TBXT: variants seen among roughly 807,000 people sequenced by gnomAD.
TBXT encodes the protein T-box transcription factor T.
Under a neutral mutation model 41.1 loss-of-function variants are expected in TBXT, and 19 were observed. The ratio of observed to expected loss-of-function variants is 0.46; its 90% CI spans 0.32 to 0.68. TBXT has a LOEUF of 0.68. Among genes scored for constraint, TBXT ranks in the 30% least tolerant of loss-of-function variants. The pLI is 0.03. For synonymous variants in TBXT, 213 were observed against 238.9 expected, an observed-to-expected ratio of 0.89 and a Z score of 1.00; for missense variants, 536 against 582.0, an observed-to-expected ratio of 0.92 and a Z score of 0.81.
chr6:166,158,480 C>G lies in TBXT; in HGVS notation c.1146G>C (p.Ala382=), dbSNP rs776170985. The G allele has an allele frequency of 6.2e-7, 1 of 1,612,434 alleles. No homozygotes were observed. Among genetic ancestry groups the G allele is most frequent in the Admixed American group, 1.7e-5 (1 of 59,978 alleles). Residue 382 remains alanine (A), a synonymous_variant, in exon 8 of 8, where the codon GCG becomes GCC. Coordinates refer to ENST00000366876, the MANE Select transcript of TBXT (RefSeq NM_001366285.2). ...LGAQFFRGSP[A]HYTPLTHPVS... ...CCGGATGGGTGAGGGGTGTGTAGTG[C>G]GCGGGGGAGCCCCGGAAGAACTGGG...
intron 5 of TBXT, among the ~76,000 whole-genome samples, chr6:166,163,880 G>A (rs1004601001): frequency 1.8e-4 from 27 of 152,238 alleles, no homozygotes; most frequent in African/African-American, 6.3e-4. Context: ...TGCCTTTCTG[G>A]TTGTTCAATC....
chr6:166,161,739 G>A (rs950990085), intron 6 of TBXT, among the ~76,000 whole-genome samples: 10 of 152,176 alleles, frequency 6.6e-5, no homozygotes, highest in African/African-American at 9.7e-5. Flanking sequence ...TGGCTAACAC[G>A]GTGAAACCCC....
chr6:166,167,402 C>A lies in TBXT; in HGVS notation c.190G>T (p.Val64Leu), dbSNP rs780139385. ...CGCACCCACCTGCCGTTCTTGGTCA[C>A]GATCATCTCATTGGTGAGCTCCTTG... ...RFKELTNEMIVTKNGRRMFPV... is the reference protein window; with the variant it reads ...RFKELTNEMILTKNGRRMFPV... The change falls in exon 1 of 8, where the codon GTG becomes TTG. Residue 64 changes from valine to leucine, a missense_variant. By Grantham distance (32) the Val-to-Leu change is conservative (BLOSUM62 1). Coordinates refer to ENST00000366876, the MANE Select transcript of TBXT (RefSeq NM_001366285.2). 1.2e-6 allele frequency: 2 copies of A among 1,613,116 alleles called. No homozygotes were observed. Among genetic ancestry groups the A allele is most frequent in the South Asian group, 2.2e-5 (2 of 91,084 alleles).
At chr6:166,164,121 A>G (rs951841622) in intron 5 of TBXT, among the ~76,000 whole-genome samples, 4 of 152,226 alleles carry the variant, frequency 2.6e-5, no homozygotes, top group African/African-American at 9.7e-5. Flanking sequence ...TGAAAGTCCT[A>G]GAGGGAGCTA....
chr6:166,165,502 C>T (rs1779081648), intron 3 of TBXT, among the ~76,000 whole-genome samples: 1 of 152,184 alleles, frequency 6.6e-6, no homozygotes, highest in Non-Finnish European at 1.5e-5. Flanking sequence ...ATGGAGAATT[C>T]AAGGGGAAAA....
At chr6:166,167,026 G>A (rs1373440837) in intron 1 of TBXT, among the ~76,000 whole-genome samples, 170 bp from the exon 2 acceptor site, 1 of 152,236 alleles carries the variant, frequency 6.6e-6, no homozygotes, top group Non-Finnish European at 1.5e-5. Context: ...AGGTCCAGGT[G>A]GCCTCCTCAC....
Position 166,166,690 on chromosome 6 carries a change from T to C in TBXT, c.373A>G (p.Ile125Val). The stretch of plus-strand genomic sequence containing the variant: ...CCGAAGTTGGGCGAGTCGGGGTGGA[T>C]GTAGACGCAGCTGGGCGCCTGCGGC... ...PEPQAPSCVY[I>V]HPDSPNFGAH... is the part of the protein sequence containing the mutation. The change falls in exon 2 of 8, where the codon ATC (isoleucine) becomes GTC (valine). Residue 125 changes from isoleucine to valine, a missense_variant. Ile to Val is a conservative substitution (Grantham distance 29). Coordinates refer to ENST00000366876, the MANE Select transcript of TBXT (RefSeq NM_001366285.2). The C allele has an allele frequency of 6.2e-7, 1 of 1,614,004 alleles. No individual in the cohort carries two copies.
intron 5 of TBXT, among the ~76,000 whole-genome samples, chr6:166,163,930 C>A (rs1779034280): frequency 6.6e-6 from 1 of 152,222 alleles, no homozygotes. Flanking sequence ...ATAGAAAATG[C>A]CTGTGTAAGG....
chr6:166,161,461 G>A (rs1258921921), intron 6 of TBXT, among the ~76,000 whole-genome samples: 1 of 152,134 alleles, frequency 6.6e-6, no homozygotes, highest in Non-Finnish European at 1.5e-5. Context: ...AGCTTTAATT[G>A]CTTAATTGTT....
intron 3 of TBXT, 74 bp from the exon 4 acceptor site, chr6:166,164,935 G>A (rs1408377772): frequency 4.9e-6 from 6 of 1,222,972 alleles, no homozygotes; most frequent in East Asian, 2.3e-5. Flanking sequence ...CCAAGAAATT[G>A]AGAAATGCCA....
intron 2 of TBXT, among the ~76,000 whole-genome samples, 153 bp from the exon 3 acceptor site, chr6:166,165,993 G>A (rs1199987030): frequency 1.3e-5 from 2 of 152,188 alleles, no homozygotes; most frequent in Non-Finnish European, 2.9e-5. Flanking sequence ...AGGCTTCTCC[G>A]CGGTTTATAT....
In TBXT at chr6:166,158,350, C is replaced by T. The variant is rs1778846232; in HGVS notation, c.1276G>A (p.Ala426Thr). The change falls in exon 8 of 8, where the codon GCC becomes ACC. Residue 426 changes from alanine to threonine, a missense_variant. Transcript: ENST00000366876. ...GGTGGCGACACAGGTGTCCATGAGG[C>T]TATGAGGCGGCCTTGGGCTGCGGCG... ...YDAAAQGRLI[A>T]SWTPVSPPSM 6.2e-7 allele frequency: 1 copy of T among 1,614,260 alleles called. No homozygotes were observed. Among genetic ancestry groups the T allele is most frequent in the Non-Finnish European group, 8.5e-7 (1 of 1,180,052 alleles).
intron 5 of TBXT, among the ~76,000 whole-genome samples, chr6:166,163,951 C>T (rs1161703797): frequency 1.3e-5 from 2 of 152,178 alleles, no homozygotes; most frequent in Non-Finnish European, 2.9e-5. Context: ...AGGAGTGTGC[C>T]CTGTTGATTC....
In TBXT at chr6:166,162,549, G is replaced by A. The variant is rs751227884; in HGVS notation, c.805C>T (p.Leu269Phe). The A allele has an allele frequency of 1.9e-6, 3 of 1,614,118 alleles. No homozygotes were observed. The highest frequency in any genetic ancestry group is 2.2e-5 in the East Asian group (1 of 44,874). Reference protein sequence around the residue: ...ANPHPQFGGALSLPSTHSCDR... With the variant: ...ANPHPQFGGAFSLPSTHSCDR... ...CAGCTGTGCGTGGAGGGGAGGGAGA[G>A]GGCACCTCCAAACTGAGGATGAGGA... Residue 269 changes from leucine (L) to phenylalanine (F), a missense_variant, in exon 6 of 8, where the codon CTC (leucine) becomes TTC (phenylalanine). Leu to Phe is a conservative substitution (Grantham distance 22). Coordinates refer to ENST00000366876, the MANE Select transcript of TBXT (RefSeq NM_001366285.2).
intron 6 of TBXT, among the ~76,000 whole-genome samples, chr6:166,161,869 G>A (rs892944379): frequency 3.0e-4 from 46 of 152,256 alleles, no homozygotes; most frequent in Non-Finnish European, 4.3e-4. Flanking sequence ...CTTGCAGTGA[G>A]CCGAGATCGT....
chr6:166,162,701 AC>A, intron 5 of TBXT, 78 bp from the exon 6 acceptor site: 1 of 1,226,816 alleles, frequency 8.2e-7, no homozygotes, highest in Non-Finnish European at 1.2e-6. Context: ...CAGGCCAGGG[AC>A]TGTCCCTCCA....
chr6:166,161,156 A>G (rs944894361), intron 6 of TBXT, among the ~76,000 whole-genome samples, 190 bp from the exon 7 acceptor site: 1 of 152,234 alleles, frequency 6.6e-6, no homozygotes, highest in Non-Finnish European at 1.5e-5. Flanking sequence ...TGCCAAATAT[A>G]TGTATTTGAA....
At position 166,160,854 on chromosome 6, in the gene TBXT, G is replaced by A; in HGVS notation, c.1020C>T (p.Ser340=). The change falls in exon 7 of 8, where the codon AGC becomes AGT. Residue 340 remains serine, a synonymous_variant. Transcript: ENST00000366876. ...TACATTACCTGGAGCTGGTAGGTGG[G>A]CTGGCATTGTGGCTCACGGGGAGCA... ...PSMLPVSHNA[S]PPTSSSQYPS... The A allele has an allele frequency of 6.2e-7, 1 of 1,614,172 alleles. No homozygotes were observed. The highest frequency in any genetic ancestry group is 8.5e-7 in the Non-Finnish European group (1 of 1,180,026).
rs140876874 is a variant in TBXT at position 166,158,330 on chromosome 6, C to T, written c.1296G>A (p.Ser432=). ...CCTTGCTGCTTCACATGGAAGGTGGCGACACAGGTGTCCATGAGGCTATGA... is the reference window on the plus strand; with the variant it reads ...CCTTGCTGCTTCACATGGAAGGTGGTGACACAGGTGTCCATGAGGCTATGA... ...GRLIASWTPV[S]PPSM Residue 432 remains serine (S), a synonymous_variant, in exon 8 of 8, where the codon TCG becomes TCA. Coordinates refer to ENST00000366876, the MANE Select transcript of TBXT (RefSeq NM_001366285.2). 3.7e-6 allele frequency: 6 copies of T among 1,614,096 alleles called. No homozygotes were observed. Among genetic ancestry groups the T allele is most frequent in the South Asian group, 2.2e-5 (2 of 91,080 alleles).
Sources: gnomAD v4.1 joint callset for allele counts (sites outside exome capture counted in the v4.1 genomes callset) on GRCh38, gnomAD v4.1.1 for gene constraint, MANE v1.5 for transcripts, NCBI Gene and HGNC (gene_info 2026-07-23, HGNC 2026-07-21) for gene names.